The following SUPT3H variants were observed in gnomAD, a reference collection of about 807,000 sequenced individuals.
The protein encoded by SUPT3H is transcription initiation protein SPT3 homolog.
Under a neutral mutation model 44.3 loss-of-function variants are expected in SUPT3H, and 44 were observed. The observed-to-expected ratio is 0.99, with a 90% confidence interval of 0.78 to 1.28. SUPT3H has a LOEUF of 1.28. SUPT3H is among the 50% of genes most tolerant of loss of function. The pLI, the probability that SUPT3H is intolerant of heterozygous loss-of-function variation, is 0.00. For synonymous variants in SUPT3H, 124 were observed against 125.6 expected (o/e 0.99, Z 0.09); for missense variants, 380 against 387.1 (o/e 0.98, Z 0.15).
chr6:45,212,864 C>G (rs972048961), intron 2 of SUPT3H, among the ~76,000 whole-genome samples: 2 of 152,128 alleles, frequency 1.3e-5, no homozygotes, highest in African/African-American at 4.8e-5. Context: ...GTCCTTCCCC[C>G]ACCATGGATG....
chr6:45,279,048 G>A (rs1186880162), intron 2 of SUPT3H, among the ~76,000 whole-genome samples: 2 of 152,096 alleles, frequency 1.3e-5, no homozygotes, highest in Non-Finnish European at 2.9e-5. Flanking sequence ...CAAGTACAAT[G>A]AAAAAACTGT....
chr6:45,370,556 T>C (rs1416495143), intron 1 of SUPT3H, among the ~76,000 whole-genome samples: 3 of 152,244 alleles, frequency 2.0e-5, no homozygotes, highest in Non-Finnish European at 4.4e-5. Flanking sequence ...TTAATCAATA[T>C]AATAGAACTT....
At chr6:45,114,388 AC>A (rs1800536618) in intron 2 of SUPT3H, among the ~76,000 whole-genome samples, 1 of 152,154 alleles carries the variant, frequency 6.6e-6, no homozygotes, top group African/African-American at 2.4e-5. Context: ...AAAACTTAGA[AC>A]AGAATCACGA....
intron 2 of SUPT3H, among the ~76,000 whole-genome samples, chr6:45,279,588 G>C (rs1322344335): frequency 6.6e-6 from 1 of 152,078 alleles, no homozygotes; most frequent in Non-Finnish European, 1.5e-5. Context: ...CTCACCCTTT[G>C]CCTTCCACCA....
At chr6:44,861,089 T>G (rs1774583827) in intron 10 of SUPT3H, among the ~76,000 whole-genome samples, 1 of 151,986 alleles carries the variant, frequency 6.6e-6, no homozygotes, top group Non-Finnish European at 1.5e-5. Flanking sequence ...TTGTTTTGTT[T>G]TTTTATTTTT....
intron 2 of SUPT3H, among the ~76,000 whole-genome samples, chr6:45,241,214 C>G (rs60354603): frequency 0.026 from 3,680 of 142,388 alleles, 151 homozygotes; most frequent in African/African-American, 0.083. Flanking sequence ...AGGCCCCCCC[C>G]CAAATCTTGC....
intron 2 of SUPT3H, among the ~76,000 whole-genome samples, chr6:45,180,179 C>T (rs1812868009): frequency 7.5e-6 from 1 of 132,954 alleles, no homozygotes; most frequent in East Asian, 2.1e-4. Context: ...AGGACCTCTT[C>T]AAGGAGAACT....
At chr6:45,047,982 T>C (rs902593098) in intron 3 of SUPT3H, among the ~76,000 whole-genome samples, 1 of 152,102 alleles carries the variant, frequency 6.6e-6, no homozygotes, top group Non-Finnish European at 1.5e-5. Context: ...AATCAAACTT[T>C]TACATCATCG....
At chr6:45,070,239 GA>G (rs1794164020) in intron 3 of SUPT3H, among the ~76,000 whole-genome samples, 1 of 151,766 alleles carries the variant, frequency 6.6e-6, no homozygotes, top group Non-Finnish European at 1.5e-5. Flanking sequence ...CCATTTTATC[GA>G]AAAAATATTC....
At position 45,328,492 on chromosome 6, in the gene SUPT3H, A is replaced by G. The variant is rs377010342; in HGVS notation, c.101+36709T>C. ...GCTCTCTAACCACAGTCTATGCAGT[A>G]ATAGTAGGTCCTTCAAATATTTGCT... On this transcript the variant is annotated intron_variant, in intron 2 of 10. Transcript: ENST00000371459. The G allele has an allele frequency of 4.0e-5, 61 of 1,515,354 alleles. 1 individual carries two copies. In the South Asian group the frequency reaches 5.7e-4, roughly 14 times the overall value. The allele number at this position is 1,515,354 out of a possible 1,614,324, so 93.9% of individuals were successfully genotyped here.
At chr6:45,181,804 C>G (rs1813265856) in intron 2 of SUPT3H, among the ~76,000 whole-genome samples, 1 of 151,632 alleles carries the variant, frequency 6.6e-6, no homozygotes, top group African/African-American at 2.4e-5. Context: ...CAGCATGGTA[C>G]ATGTATACAT....
At chr6:44,907,513 C>G (rs778142799) in intron 10 of SUPT3H, among the ~76,000 whole-genome samples, 6 of 152,026 alleles carry the variant, frequency 3.9e-5, no homozygotes, top group Non-Finnish European at 8.8e-5. Flanking sequence ...CCTATCTCTA[C>G]TAAAAATACA....
At chr6:45,209,605 G>A (rs1763761747) in intron 2 of SUPT3H, among the ~76,000 whole-genome samples, 3 of 152,200 alleles carry the variant, frequency 2.0e-5, no homozygotes, top group African/African-American at 7.2e-5. Flanking sequence ...TTATGGATGA[G>A]CAAAGAAAGT....
At chr6:45,027,930 C>G (rs1263525459) in intron 3 of SUPT3H, among the ~76,000 whole-genome samples, 1 of 152,222 alleles carries the variant, frequency 6.6e-6, no homozygotes, top group East Asian at 1.9e-4. Flanking sequence ...CTTTGTGTGA[C>G]TTTTCCCCTA....
At chr6:45,203,123 T>C (rs1279801423) in intron 2 of SUPT3H, among the ~76,000 whole-genome samples, 1 of 152,126 alleles carries the variant, frequency 6.6e-6, no homozygotes, top group Non-Finnish European at 1.5e-5. Context: ...ACAGGTTTTA[T>C]AAAGCAGTCA....
intron 2 of SUPT3H, among the ~76,000 whole-genome samples, chr6:45,306,030 G>C (rs949956108): frequency 6.6e-6 from 1 of 152,206 alleles, no homozygotes; most frequent in Non-Finnish European, 1.5e-5. Context: ...GTGTTCACAA[G>C]CCTCCAGGCA....
chr6:45,280,896 G>A (rs78120412), intron 2 of SUPT3H, among the ~76,000 whole-genome samples: 22 of 152,182 alleles, frequency 1.4e-4, no homozygotes, highest in Non-Finnish European at 3.1e-4. Flanking sequence ...TCCTAAAATG[G>A]TTGAGTAATT....
At chr6:45,216,049 G>A (rs1024278127) in intron 2 of SUPT3H, among the ~76,000 whole-genome samples, 2 of 152,090 alleles carry the variant, frequency 1.3e-5, no homozygotes, top group African/African-American at 4.8e-5. Context: ...GGGGGATGGG[G>A]GTAATGGTAG....
chr6:44,990,635 T>C (rs9369527), intron 6 of SUPT3H, among the ~76,000 whole-genome samples: 148,961 of 152,238 alleles, frequency 0.98, 72,887 homozygotes, highest in Middle Eastern at 1. Context: ...GAATAGACAA[T>C]GGAACTTTAC....
Sources: allele counts gnomAD v4.1 joint callset (sites outside exome capture counted in the v4.1 genomes callset), GRCh38; gene constraint gnomAD v4.1.1; transcripts MANE v1.5; gene names NCBI Gene and HGNC (gene_info 2026-07-23, HGNC 2026-07-21).